Variants in SGO2 observed in about 807,000 individuals in gnomAD.
SGO2 encodes the protein shugoshin-like 2.
SGO2 carries 68 observed loss-of-function variants against 99.5 expected under a neutral mutation model. The ratio of observed to expected loss-of-function variants is 0.68; its 90% CI spans 0.56 to 0.84. The LOEUF is 0.84. Ranked by LOEUF, SGO2 falls within the 40% of genes least tolerant of loss-of-function variation. The pLI is 0.00. For synonymous variants in SGO2, 457 were observed against 487.1 expected, an observed-to-expected ratio of 0.94 and a Z score of 0.81; for missense variants, 1,350 against 1,436.7, an observed-to-expected ratio of 0.94 and a Z score of 0.97.
intron 4 of SGO2, among the ~76,000 whole-genome samples, chr2:200,540,922 C>G (rs1475733041): frequency 6.6e-6 from 1 of 152,108 alleles, no homozygotes; most frequent in East Asian, 1.9e-4. Context: ...TCTAAAAAGA[C>G]TGGGTAATTT....
chr2:200,545,690 G>GC (rs893632876), intron 5 of SGO2, among the ~76,000 whole-genome samples: 1 of 152,118 alleles, frequency 6.6e-6, no homozygotes, highest in Non-Finnish European at 1.5e-5. Context: ...CATGTGCAAT[G>GC]CCCCTCCCTC....
At chr2:200,543,553 T>TAA (rs2032064829) in intron 5 of SGO2, 1 of 152,198 alleles carries the variant, frequency 6.6e-6, no homozygotes, top group Non-Finnish European at 1.5e-5. Flanking sequence ...ATGCTTTTAC[T>TAA]TAAGTGCACA....
intron 3 of SGO2, among the ~76,000 whole-genome samples, chr2:200,535,780 G>C (rs914111350): frequency 1.1e-4 from 16 of 151,956 alleles, no homozygotes; most frequent in Non-Finnish European, 1.9e-4. Context: ...TGAGAAGATA[G>C]AAAAATGTTT....
chr2:200,578,182 A>ATAGATATAGATATAGATATAGATG (rs1413848030), intron 8 of SGO2, among the ~76,000 whole-genome samples: 1 of 152,096 alleles, frequency 6.6e-6, no homozygotes, highest in Non-Finnish European at 1.5e-5. Context: ...AGATATAGAT[A>ATAGATATAGATATAGATATAGATG]TATATCGTGG....
At chr2:200,541,889 TC>T (rs2031979338) in intron 4 of SGO2, among the ~76,000 whole-genome samples, 1 of 151,880 alleles carries the variant, frequency 6.6e-6, no homozygotes, top group African/African-American at 2.4e-5. Flanking sequence ...ATGTCATTGA[TC>T]TATTTGTCTT....
chr2:200,526,490 G>A lies in SGO2; in HGVS notation c.-3+238G>A, dbSNP rs993281731. On this transcript the variant is annotated intron_variant, in intron 1 of 8. Transcript: ENST00000357799. This position sits in a 1 kb window ranked among gnomAD's most constrained non-coding sequence, Gnocchi z 4.8. ...CTGAGATTTGAGCGTCCGGCAGGGC[G>A]AGCGGGGAGAGCCACCAGTTAGGTC... Among the ~76,000 whole-genome samples, 2 of 152,192 alleles carry A rather than the reference G, an allele frequency of 1.3e-5. No homozygotes were observed. The highest frequency in any genetic ancestry group is 2.4e-5 in the African/African-American group (1 of 41,446).
At chr2:200,558,958 G>T (rs1206030296) in intron 5 of SGO2, among the ~76,000 whole-genome samples, 1 of 151,764 alleles carries the variant, frequency 6.6e-6, no homozygotes, top group African/African-American at 2.4e-5. Flanking sequence ...GCTCGCCAAC[G>T]CGCCCAGCTA....
At position 200,534,919 on chromosome 2, in the gene SGO2, C is replaced by T. The variant is rs546576008; in HGVS notation, c.134-77C>T. 1.6e-4 allele frequency: 158 copies of T among 962,760 alleles called. 1 individual carries two copies. The East Asian group carries it at 5.1e-3, about 31-fold the overall frequency. The allele number at this position is 962,760 out of a possible 1,614,324, so 59.6% of individuals were successfully genotyped here. ...TTAAAACTTGTGAAATGCATTTTGT[C>T]TATGTTTTACTAAGGAATATAAAAA... On this transcript the variant is annotated intron_variant, in intron 2 of 8. Transcript: ENST00000357799.
intron 2 of SGO2, among the ~76,000 whole-genome samples, chr2:200,534,077 T>C (rs938652654): frequency 3.3e-5 from 5 of 152,242 alleles, no homozygotes; most frequent in Non-Finnish European, 7.3e-5. Flanking sequence ...GGTAAAGTAC[T>C]GTTTTGGACT....
chr2:200,573,393 C>CT lies in SGO2; in HGVS notation c.3048dup (p.Ile1017TyrfsTer6). 6.2e-7 allele frequency: 1 copy of CT among 1,602,740 alleles called. No individual in the cohort carries two copies. The highest frequency in any genetic ancestry group is 8.5e-7 in the Non-Finnish European group (1 of 1,176,888). ...CAGTTAACAGAATCTTCACAGACAT[C>CT]TATCTCCTTAGAATCTGATTTAAAA... On this transcript the variant is annotated frameshift_variant, in exon 7 of 9. Coordinates refer to ENST00000357799, the MANE Select transcript of SGO2 (RefSeq NM_152524.6). LOFTEE classifies it high-confidence loss of function.
Position 200,535,064 on chromosome 2 carries a change from GA to G in SGO2, c.207del (p.Glu70ArgfsTer17). The G allele has an allele frequency of 6.4e-7, 1 of 1,562,508 alleles. No individual in the cohort carries two copies. Among genetic ancestry groups the G allele is most frequent in the Non-Finnish European group, 8.6e-7 (1 of 1,163,652 alleles). ...GGCATTAGCTCAGGCTCTTAGTAGA[GA>G]AAAAGAGAATTCTCGAAGAATTACA... is the stretch of plus-strand genomic sequence containing the variant. ...NRALAQALSR[E>X]KENSRRITTE... On this transcript the variant is annotated frameshift_variant, in exon 3 of 9. Coordinates refer to ENST00000357799, the MANE Select transcript of SGO2 (RefSeq NM_152524.6). LOFTEE classifies it high-confidence loss of function.
At chr2:200,560,773 T>C (rs1441805754) in intron 5 of SGO2, among the ~76,000 whole-genome samples, 1 of 152,198 alleles carries the variant, frequency 6.6e-6, no homozygotes, top group Non-Finnish European at 1.5e-5. Flanking sequence ...GCTGGCCTCA[T>C]GGGATGAGAA....
In SGO2 at chr2:200,573,502, T is replaced by C; in HGVS notation, c.3156T>C (p.Asn1052=). Residue 1052 remains asparagine, a synonymous_variant, in exon 7 of 9, where the codon AAT becomes AAC. Coordinates refer to ENST00000357799, the MANE Select transcript of SGO2 (RefSeq NM_152524.6). ...AGAAGCAAAGCACTACCACTTTGAA[T>C]AAAAAAGATCTCCCTTTTGTGGAAG... is the stretch of plus-strand genomic sequence containing the variant. ...KTQKQSTTTL[N]KKDLPFVEEI... is the part of the protein sequence containing the mutation. 1 of 1,612,106 alleles carries C rather than the reference T, an allele frequency of 6.2e-7. No homozygotes were observed. Among genetic ancestry groups the C allele is most frequent in the Non-Finnish European group, 8.5e-7 (1 of 1,179,172 alleles).
In SGO2 at chr2:200,583,690, T is replaced by C. The variant is rs941763877; in HGVS notation, c.*226T>C. The C allele has an allele frequency of 3.1e-6, 1 of 325,540 alleles. No homozygotes were observed. Among genetic ancestry groups the C allele is most frequent in the Non-Finnish European group, 5.6e-6 (1 of 179,170 alleles). The allele number at this position is 325,540 out of a possible 1,614,324, so 20.2% of individuals were successfully genotyped here. ...TTTTTGAGTCATTTTGGTCATCATA[T>C]AACTTACCTTCCTGTTTATTTAAGC... is the stretch of plus-strand genomic sequence containing the variant. On this transcript the variant is annotated 3_prime_UTR_variant, in exon 9 of 9. Coordinates refer to ENST00000357799, the MANE Select transcript of SGO2 (RefSeq NM_152524.6).
At position 200,542,663 on chromosome 2, in the gene SGO2, A is replaced by G. The variant is rs771246930; in HGVS notation, c.472A>G (p.Arg158Gly). The change falls in exon 5 of 9, where the codon AGG (arginine) becomes GGG (glycine). Residue 158 changes from arginine (R) to glycine (G), a missense_variant and splice_region_variant. Transcript: ENST00000357799. ...QCKLMRLPFA[R>G]VPLTSNDDED... is the part of the protein sequence containing the mutation. ...CAAGTTGATGCGTCTTCCATTTGCA[A>G]GGTAAATATGGGCTTGAATTACACT... 1 of 1,611,710 alleles carries G rather than the reference A, an allele frequency of 6.2e-7. No individual in the cohort carries two copies. Among genetic ancestry groups the G allele is most frequent in the East Asian group, 2.2e-5 (1 of 44,710 alleles).
chr2:200,550,245 A>C (rs940417318), intron 5 of SGO2, among the ~76,000 whole-genome samples: 2 of 152,230 alleles, frequency 1.3e-5, no homozygotes, highest in Admixed American at 6.5e-5. Context: ...GATTGGAAGA[A>C]TTAATACTGT....
At position 200,562,155 on chromosome 2, in the gene SGO2, G is replaced by A. The variant is rs1229924172; in HGVS notation, c.474-7508G>A. Among the ~76,000 whole-genome samples the A allele has an allele frequency of 2.6e-5, 4 of 151,450 alleles. No homozygotes were observed. The South Asian group carries it at 8.5e-4, about 32-fold the overall frequency. On this transcript the variant is annotated intron_variant, in intron 5 of 8. Transcript: ENST00000357799. ...CCATGCCTGTGGCCTGAATGGTATTGCCTAGGTTTTCTTCTAGGTTTTTTA... is the reference window on the plus strand; with the variant it reads ...CCATGCCTGTGGCCTGAATGGTATTACCTAGGTTTTCTTCTAGGTTTTTTA...
At chr2:200,576,069 T>G in intron 8 of SGO2, 1 of 402,964 alleles carries the variant, frequency 2.5e-6, no homozygotes. Context: ...AGTAAGAACT[T>G]AAAGTTCTTA....
intron 5 of SGO2, among the ~76,000 whole-genome samples, chr2:200,557,437 G>A (rs1213617271): frequency 6.6e-6 from 1 of 152,076 alleles, no homozygotes; most frequent in Non-Finnish European, 1.5e-5. Flanking sequence ...TGGGTCAGGG[G>A]TCTCTTCAGT....
Sources: allele counts gnomAD v4.1 joint callset (sites outside exome capture counted in the v4.1 genomes callset), GRCh38; gene constraint gnomAD v4.1.1; non-coding constraint Gnocchi (gnomAD v3.1); transcripts MANE v1.5; gene names NCBI Gene and HGNC (gene_info 2026-07-23, HGNC 2026-07-21).